Variants in ARHGEF38 observed in about 807,000 individuals in gnomAD.
ARHGEF38 encodes the protein Rho guanine nucleotide exchange factor 38, also known as Rho guanine nucleotide exchange factor (GEF) 38.
Under a neutral mutation model 79.9 loss-of-function variants are expected in ARHGEF38, and 79 were observed. The observed-to-expected ratio is 0.99, with a 90% CI of 0.82 to 1.19. The LOEUF (loss-of-function observed/expected upper bound fraction) is 1.19. ARHGEF38 is among the 50% of genes most tolerant of loss of function. The pLI is 0.00. For synonymous variants in ARHGEF38, 366 were observed against 328.3 expected, an observed-to-expected ratio of 1.11 and a Z score of -1.24; for missense variants, 962 against 907.2, an observed-to-expected ratio of 1.06 and a Z score of -0.78.
intron 10 of ARHGEF38, among the ~76,000 whole-genome samples, chr4:105,665,592 T>C (rs1038429114): frequency 6.6e-6 from 1 of 152,080 alleles, no homozygotes; most frequent in Non-Finnish European, 1.5e-5. Context: ...TGTACTACCA[T>C]GCCTGGCTAA....
intron 2 of ARHGEF38, among the ~76,000 whole-genome samples, chr4:105,602,731 T>C (rs958555373): frequency 1.3e-5 from 2 of 151,974 alleles, no homozygotes; most frequent in African/African-American, 4.8e-5. Context: ...CCCAGCAAAA[T>C]CCAAACTCGG....
chr4:105,632,534 A>G (rs1274388646), intron 4 of ARHGEF38, among the ~76,000 whole-genome samples: 2 of 152,220 alleles, frequency 1.3e-5, no homozygotes, highest in African/African-American at 2.4e-5. Flanking sequence ...TATTAGAAGC[A>G]CAGTCCTCTA....
At chr4:105,596,537 G>A (rs1017378437) in intron 2 of ARHGEF38, among the ~76,000 whole-genome samples, 1 of 152,138 alleles carries the variant, frequency 6.6e-6, no homozygotes, top group African/African-American at 2.4e-5. Flanking sequence ...TAAAAATACT[G>A]TTCAAAGACC....
At chr4:105,610,818 G>T (rs1294126835) in intron 2 of ARHGEF38, among the ~76,000 whole-genome samples, 1 of 151,992 alleles carries the variant, frequency 6.6e-6, no homozygotes, top group Non-Finnish European at 1.5e-5. Context: ...TGTAGAATTA[G>T]ATCCTTGCCA....
intron 2 of ARHGEF38, among the ~76,000 whole-genome samples, chr4:105,609,235 C>A (rs1452169800): frequency 6.6e-6 from 1 of 152,010 alleles, no homozygotes; most frequent in African/African-American, 2.4e-5. Context: ...TTTCTAGAAC[C>A]ATGCATTGAA....
chr4:105,649,163 T>C (rs1456170115), intron 7 of ARHGEF38, among the ~76,000 whole-genome samples: 1 of 152,174 alleles, frequency 6.6e-6, no homozygotes, highest in Non-Finnish European at 1.5e-5. Context: ...GTGCAATTAT[T>C]TTTTCTACTC....
At chr4:105,599,967 A>G (rs971255353) in intron 2 of ARHGEF38, among the ~76,000 whole-genome samples, 9 of 152,318 alleles carry the variant, frequency 5.9e-5, no homozygotes, top group Non-Finnish European at 1.3e-4. Flanking sequence ...GTGATAATTG[A>G]TAAGTGTAGA....
chr4:105,588,967 G>T (rs1727186559), intron 1 of ARHGEF38, among the ~76,000 whole-genome samples: 1 of 152,194 alleles, frequency 6.6e-6, no homozygotes, highest in Admixed American at 6.5e-5. Flanking sequence ...TCTCCAGGCT[G>T]AATACCGGCT....
intron 1 of ARHGEF38, among the ~76,000 whole-genome samples, chr4:105,563,717 T>G (rs1725749866): frequency 6.6e-6 from 1 of 152,188 alleles, no homozygotes; most frequent in South Asian, 2.1e-4. Flanking sequence ...AGAAATCAAC[T>G]GATTTTAATA....
chr4:105,648,652 TC>T lies in ARHGEF38; in HGVS notation c.979del (p.Leu327Ter). On this transcript the variant is annotated frameshift_variant, in exon 7 of 14. Transcript: ENST00000420470. LOFTEE classifies it high-confidence loss of function. ...SKKSKRVTNH[L>X]KILTRGESQV... ...AGAAATCAAAAAGAGTGACAAATCATCTGAAGATTCTGACCAGAGGAGAATC... is the reference window on the plus strand; with the variant it reads ...AGAAATCAAAAAGAGTGACAAATCATTGAAGATTCTGACCAGAGGAGAATC... The T allele has an allele frequency of 2.6e-6, 4 of 1,531,088 alleles. No individual in the cohort carries two copies. Among genetic ancestry groups the T allele is most frequent in the Non-Finnish European group, 3.5e-6 (4 of 1,144,984 alleles). 94.8% of individuals were successfully genotyped at this position (1,531,088 alleles called of 1,614,324 possible). A position where few individuals can be genotyped will look rare whatever the true frequency, so the allele number is the denominator to read the frequency against.
intron 2 of ARHGEF38, among the ~76,000 whole-genome samples, chr4:105,601,001 G>A (rs1727797114): frequency 6.6e-6 from 1 of 152,042 alleles, no homozygotes; most frequent in African/African-American, 2.4e-5. Flanking sequence ...ACTGTCTTGT[G>A]ACCCATCTTT....
intron 1 of ARHGEF38, among the ~76,000 whole-genome samples, chr4:105,586,675 A>G (rs1727064894): frequency 6.6e-6 from 1 of 152,214 alleles, no homozygotes; most frequent in East Asian, 1.9e-4. Flanking sequence ...AGGATCCCAA[A>G]TAATTCATAG....
intron 4 of ARHGEF38, chr4:105,632,952 T>C (rs1244196802): frequency 1.3e-5 from 2 of 152,808 alleles, no homozygotes; most frequent in African/African-American, 4.8e-5. Flanking sequence ...CCCAGTATCA[T>C]ATCCCCACAA....
At chr4:105,656,165 G>T (rs751300116) in intron 9 of ARHGEF38, among the ~76,000 whole-genome samples, 1 of 151,792 alleles carries the variant, frequency 6.6e-6, no homozygotes, top group Non-Finnish European at 1.5e-5. Context: ...AGCAATCCTC[G>T]CTCCTCAGCC....
rs1399956586 is a variant in ARHGEF38 at position 105,680,476 on chromosome 4, TAACA to T, written c.*2543_*2546del. On this transcript the variant is annotated 3_prime_UTR_variant, in exon 14 of 14. Transcript: ENST00000420470. ...TTCTAGTGGGGAAAACATCTGCACATAACAAACTAAATAAAATGATCATAAAATA... is the reference window on the plus strand; with the variant it reads ...TTCTAGTGGGGAAAACATCTGCACATAACTAAATAAAATGATCATAAAATA... 3.9e-5 allele frequency: 6 copies of T among 154,848 alleles called. No homozygotes were observed. Among genetic ancestry groups the T allele is most frequent in the Non-Finnish European group, 7.2e-5 (5 of 69,904 alleles). The allele number at this position is 154,848 out of a possible 1,614,324, so 9.6% of individuals were successfully genotyped here.
At chr4:105,603,059 A>G (rs1021449857) in intron 2 of ARHGEF38, among the ~76,000 whole-genome samples, 12 of 152,136 alleles carry the variant, frequency 7.9e-5, no homozygotes, top group Non-Finnish European at 1.5e-4. Flanking sequence ...AGATCAATGA[A>G]CATCTGAAGC....
intron 1 of ARHGEF38, among the ~76,000 whole-genome samples, chr4:105,565,000 T>G (rs1725817702): frequency 6.6e-6 from 1 of 152,216 alleles, no homozygotes; most frequent in African/African-American, 2.4e-5. Flanking sequence ...ACCCATTTAT[T>G]TAACTCCTCA....
chr4:105,637,697 G>T (rs375174953), intron 5 of ARHGEF38, among the ~76,000 whole-genome samples: 7 of 152,236 alleles, frequency 4.6e-5, no homozygotes, highest in African/African-American at 1.7e-4. Flanking sequence ...CTTTTCTAAA[G>T]CTTGCATTAG....
At chr4:105,573,308 T>C (rs771565278) in intron 1 of ARHGEF38, among the ~76,000 whole-genome samples, 4 of 152,198 alleles carry the variant, frequency 2.6e-5, no homozygotes, top group Non-Finnish European at 4.4e-5. Flanking sequence ...TCCAAGAAAT[T>C]ACTGCCAAAT....
Sources: allele counts gnomAD v4.1 joint callset (sites outside exome capture counted in the v4.1 genomes callset), GRCh38; gene constraint gnomAD v4.1.1; transcripts MANE v1.5; gene names NCBI Gene and HGNC (gene_info 2026-07-23, HGNC 2026-07-21).